Variants in VLDLR observed in about 807,000 individuals in gnomAD.
VLDLR encodes the protein very low density lipoprotein receptor, also known as very low-density lipoprotein receptor.
VLDLR carries 81 observed loss-of-function variants against 112.7 expected under a neutral mutation model. That is an observed-to-expected ratio of 0.72 (90% confidence interval 0.60 to 0.86). The LOEUF is 0.86. VLDLR is among the 40% of genes least tolerant of loss of function. VLDLR has a pLI of 0.00. For missense variants in VLDLR, 1,237 were observed against 1,099.4 expected (o/e 1.13, Z -1.77); for synonymous variants, 436 against 384.8 (o/e 1.13, Z -1.56).
At chr9:2,645,522 A>G in intron 9 of VLDLR, 52 bp from the exon 10 acceptor site, 1 of 1,608,778 alleles carries the variant, frequency 6.2e-7, no homozygotes, top group South Asian at 1.1e-5. Context: ...TGGTTTAGAA[A>G]GACCTTGCCT....
chr9:2,651,318 T>C, intron 15 of VLDLR, 97 bp from the exon 16 acceptor site: 1 of 1,026,028 alleles, frequency 9.7e-7, no homozygotes, highest in Non-Finnish European at 1.5e-6. Context: ...CTATTTTACC[T>C]GGTTTTAAAA....
At chr9:2,640,698 G>A (rs1212855241) in intron 3 of VLDLR, among the ~76,000 whole-genome samples, 1 of 152,150 alleles carries the variant, frequency 6.6e-6, no homozygotes, top group Non-Finnish European at 1.5e-5. Context: ...ACACAGTTTA[G>A]GTCTAAAGTG....
At chr9:2,629,187 G>T (rs1817230649) in intron 1 of VLDLR, among the ~76,000 whole-genome samples, 1 of 152,216 alleles carries the variant, frequency 6.6e-6, no homozygotes, top group African/African-American at 2.4e-5. Flanking sequence ...CCTTCCTGGG[G>T]ATTCTGATGC....
At chr9:2,622,413 G>C (rs1300678300) in intron 1 of VLDLR, 142 bp downstream of exon 1, 10 of 727,036 alleles carry the variant, frequency 1.4e-5, no homozygotes, top group Non-Finnish European at 1.8e-5. Context: ...TCCCCTCCGT[G>C]GTGGCGCCTC....
Position 2,635,661 on chromosome 9 carries a change from C to A in VLDLR, c.202+89C>A, listed in dbSNP as rs779471779. 76 of 1,586,592 alleles carry A rather than the reference C, an allele frequency of 4.8e-5. No homozygotes were observed. The Middle Eastern group carries it at 5.0e-4, about 10-fold the overall frequency. ...TGTATTGAGATTCTGAAAATAAAAT[C>A]CACTTCTAACAATTGCTTTGAAAGA... On this transcript the variant is annotated intron_variant, in intron 2 of 18. Coordinates refer to ENST00000382100, the MANE Select transcript of VLDLR (RefSeq NM_003383.5).
Position 2,622,286 on chromosome 9 carries a change from G to A in VLDLR, c.82+15G>A, listed in dbSNP as rs780006748. ...CACCGGAACCGGTGAGTGAGGACGC[G>A]CCCCTCCGCCGGCGGGCGGGACCCA... On this transcript the variant is annotated intron_variant, in intron 1 of 18. Transcript: ENST00000382100. 1.4e-6 allele frequency: 2 copies of A among 1,462,008 alleles called. No homozygotes were observed. Among genetic ancestry groups the A allele is most frequent in the Non-Finnish European group, 1.8e-6 (2 of 1,111,278 alleles). The allele number at this position is 1,462,008 out of a possible 1,614,324, so 90.6% of individuals were successfully genotyped here.
In VLDLR at chr9:2,644,049, T is replaced by C. The variant is rs1563759392; in HGVS notation, c.1066+90T>C. The C allele has an allele frequency of 3.1e-6, 5 of 1,591,664 alleles. 1 individual carries two copies. In the East Asian group the frequency reaches 1.1e-4, roughly 36 times the overall value. ...TGTGTGGACCCCCCGTGATGGCTAG[T>C]TAAACTTTTGAATGTACTGAAGTTC... On this transcript the variant is annotated intron_variant, in intron 7 of 18. Transcript: ENST00000382100.
intron 4 of VLDLR, 63 bp downstream of exon 4, chr9:2,641,562 G>C (rs1586648476): frequency 1.9e-6 from 3 of 1,610,548 alleles, no homozygotes; most frequent in Admixed American, 1.7e-5. Context: ...AGGGTGGGCA[G>C]GGGAAACTAA....
In VLDLR at chr9:2,622,110, C is replaced by T. The variant is rs1027500524; in HGVS notation, c.-80C>T. 1 of 1,378,988 alleles carries T rather than the reference C, an allele frequency of 7.3e-7. No individual in the cohort carries two copies. Among genetic ancestry groups the T allele is most frequent in the East Asian group, 2.8e-5 (1 of 35,584 alleles). The allele number at this position is 1,378,988 out of a possible 1,614,324, so 85.4% of individuals were successfully genotyped here. A position where few individuals can be genotyped will look rare whatever the true frequency, so the allele number is the denominator to read the frequency against. On this transcript the variant is annotated 5_prime_UTR_variant, in exon 1 of 19. Transcript: ENST00000382100. ...CCTCCCCGCCCCCACCTTCTTCCTC[C>T]TTTCGGAAGGACTGGTAACTTGTCG... is the stretch of plus-strand genomic sequence containing the variant.
At chr9:2,644,649 A>C in intron 7 of VLDLR, 85 bp from the exon 8 acceptor site, 1 of 1,592,378 alleles carries the variant, frequency 6.3e-7, no homozygotes, top group Non-Finnish European at 8.6e-7. Context: ...CAACTAGATA[A>C]GTTATCACAA....
intron 17 of VLDLR, 103 bp downstream of exon 17, chr9:2,652,057 C>G: frequency 9.5e-7 from 1 of 1,055,882 alleles, no homozygotes; most frequent in Non-Finnish European, 1.4e-6. Flanking sequence ...TTTATGCTGT[C>G]TAGCATTTAT....
chr9:2,646,455 A>G lies in VLDLR; in HGVS notation c.1606A>G (p.Thr536Ala). The part of the protein sequence containing the change: ...TIYWTDAASK[T>A]ISVATLDGTK... ...CTACTGGACTGATGCGGCTTCTAAG[A>G]CTATTTCAGTAGCTACCCTAGATGG... is the stretch of plus-strand genomic sequence containing the variant. The change falls in exon 11 of 19, where the codon ACT becomes GCT. Residue 536 changes from threonine (T) to alanine (A), a missense_variant. Thr to Ala is a moderately conservative substitution (Grantham distance 58). Coordinates refer to ENST00000382100, the MANE Select transcript of VLDLR (RefSeq NM_003383.5). The G allele has an allele frequency of 1.2e-6, 2 of 1,614,064 alleles. No homozygotes were observed. Among genetic ancestry groups the G allele is most frequent in the Non-Finnish European group, 1.7e-6 (2 of 1,180,000 alleles).
rs1273326209 is a variant in VLDLR, at chr9:2,646,541, C to T, written c.1692C>T (p.Asp564=). 6.2e-7 allele frequency: 1 copy of T among 1,613,990 alleles called. No homozygotes were observed. The highest frequency in any genetic ancestry group is 8.5e-7 in the Non-Finnish European group (1 of 1,179,996). ...DLREPASIAV[D]PLSGFVYWSD... ...GAGAGCCTGCCTCCATAGCTGTGGA[C>T]CCACTGTCTGGGTTTGTAGTCTGTT... Residue 564 remains aspartate (D), a synonymous_variant, in exon 11 of 19, where the codon GAC becomes GAT. Coordinates refer to ENST00000382100, the MANE Select transcript of VLDLR (RefSeq NM_003383.5).
chr9:2,646,691 T>A, intron 11 of VLDLR, 139 bp downstream of exon 11: 1 of 936,070 alleles, frequency 1.1e-6, no homozygotes, highest in Non-Finnish European at 1.7e-6. Context: ...ATTTAAGATA[T>A]CAGTTTTGCC....
intron 4 of VLDLR, 122 bp from the exon 5 acceptor site, chr9:2,643,038 C>T: frequency 6.8e-7 from 1 of 1,467,756 alleles, no homozygotes; most frequent in Non-Finnish European, 9.3e-7. Flanking sequence ...CCATTGTAGC[C>T]TTTAAGTTGG....
chr9:2,641,485 A>G lies in VLDLR; in HGVS notation c.434A>G (p.Asp145Gly). The G allele has an allele frequency of 6.2e-7, 1 of 1,614,194 alleles. No homozygotes were observed. Among genetic ancestry groups the G allele is most frequent in the South Asian group, 1.1e-5 (1 of 91,082 alleles). Reference sequence around the variant, plus strand: ...GAAAATGATTGTGACAGTGGAGAAGATGAAGAAAACTGTGGTAAGAAGATC... The same window carrying G: ...GAAAATGATTGTGACAGTGGAGAAGGTGAAGAAAACTGTGGTAAGAAGATC... ...DGENDCDSGEDEENCGNITCS... is the reference protein window; with the variant it reads ...DGENDCDSGEGEENCGNITCS... The change falls in exon 4 of 19, where the codon GAT (aspartate) becomes GGT (glycine). Residue 145 changes from aspartate to glycine, a missense_variant. Physicochemically the swap from Asp to Gly is moderately conservative, Grantham distance 94 (BLOSUM62 -1). Coordinates refer to ENST00000382100, the MANE Select transcript of VLDLR (RefSeq NM_003383.5).
chr9:2,652,460 T>C (rs1284736673), intron 17 of VLDLR, among the ~76,000 whole-genome samples: 1 of 152,194 alleles, frequency 6.6e-6, no homozygotes, highest in African/African-American at 2.4e-5. Context: ...AGACCCAAGC[T>C]TAGCTAACAC....
chr9:2,658,495 T>C lies in VLDLR; in HGVS notation c.*4627T>C, dbSNP rs1320204560. 1 of 152,216 alleles carries C rather than the reference T, an allele frequency of 6.6e-6. No individual in the cohort carries two copies. Among genetic ancestry groups the C allele is most frequent in the East Asian group, 1.9e-4 (1 of 5,194 alleles). 9.4% of individuals were successfully genotyped at this position (152,216 alleles called of 1,614,324 possible). On this transcript the variant is annotated 3_prime_UTR_variant, in exon 19 of 19. Transcript: ENST00000382100. ...TATCAAAAATGGCTTTTTTCTTCAC[T>C]GCGCTCAAGGAAAAAGTCAGATGGG...
In VLDLR at chr9:2,638,591, C is replaced by T. The variant is rs73640148; in HGVS notation, c.203-1268C>T. Among the ~76,000 whole-genome samples the T allele has an allele frequency of 6.0e-3, 920 of 152,298 alleles. 15 individuals carry two copies. The highest frequency in any genetic ancestry group is 0.024 in the Middle Eastern group (7 of 294). On this transcript the variant is annotated intron_variant, in intron 2 of 18. Transcript: ENST00000382100. Reference sequence around the variant, plus strand: ...GTGGCTACTTTATATCAAGATTCATCCTGCTCCGTGATTCCTTCATGGGTA... The same window carrying T: ...GTGGCTACTTTATATCAAGATTCATTCTGCTCCGTGATTCCTTCATGGGTA...
Sources: allele counts gnomAD v4.1 joint callset (sites outside exome capture counted in the v4.1 genomes callset), GRCh38; gene constraint gnomAD v4.1.1; transcripts MANE v1.5; gene names NCBI Gene and HGNC (gene_info 2026-07-23, HGNC 2026-07-21).